The following PDE7A variants were observed in gnomAD, a reference collection of about 807,000 sequenced individuals.
PDE7A encodes phosphodiesterase 7A, also known as high affinity 3',5'-cyclic-AMP phosphodiesterase 7A.
PDE7A carries 39 observed loss-of-function variants against 64.3 expected under a neutral mutation model. That is an observed-to-expected ratio of 0.61 (90% CI 0.47 to 0.79). PDE7A has a LOEUF of 0.79. Among genes scored for constraint, PDE7A ranks in the 30% least tolerant of loss-of-function variants. PDE7A has a pLI of 0.00. For synonymous variants in PDE7A, 203 were observed against 206.8 expected, an observed-to-expected ratio of 0.98 and a Z score of 0.16; for missense variants, 470 against 582.8, an observed-to-expected ratio of 0.81 and a Z score of 1.99.
At chr8:65,841,300 G>A (rs1471451519) in intron 1 of PDE7A, 71 bp downstream of exon 1, 9 of 1,403,734 alleles carry the variant, frequency 6.4e-6, no homozygotes, top group East Asian at 2.8e-5. Context: ...TTGTAGAGGA[G>A]GTGAAGCTGG....
intron 3 of PDE7A, among the ~76,000 whole-genome samples, chr8:65,772,373 T>C (rs80198773): frequency 0.069 from 10,531 of 152,242 alleles, 617 homozygotes; most frequent in African/African-American, 0.16. Flanking sequence ...ATTATAGTCT[T>C]TCAAAGCTTC....
chr8:65,727,387 T>C, intron 7 of PDE7A, 86 bp from the exon 8 acceptor site: 1 of 1,545,092 alleles, frequency 6.5e-7, no homozygotes, highest in Admixed American at 1.9e-5. Context: ...TAGCAGCCAA[T>C]GGTAGTGGTG....
At chr8:65,778,958 C>T (rs1013751334) in intron 3 of PDE7A, among the ~76,000 whole-genome samples, 2 of 152,218 alleles carry the variant, frequency 1.3e-5, no homozygotes, top group Non-Finnish European at 2.9e-5. Flanking sequence ...TTTCTCTATC[C>T]CTAAGTGTCC....
At chr8:65,784,368 C>A (rs1809493652) in intron 1 of PDE7A, among the ~76,000 whole-genome samples, 1 of 152,090 alleles carries the variant, frequency 6.6e-6, no homozygotes, top group South Asian at 2.1e-4. Context: ...GGAGGAAATA[C>A]TGATTTTTAA....
At chr8:65,783,165 G>A (rs188337261) in intron 1 of PDE7A, among the ~76,000 whole-genome samples, 457 of 152,262 alleles carry the variant, frequency 3.0e-3, no homozygotes, top group Non-Finnish European at 4.4e-3. Flanking sequence ...AAAAGGGATC[G>A]ATAGGAGTTG....
At chr8:65,769,161 T>C (rs1585899645) in intron 3 of PDE7A, among the ~76,000 whole-genome samples, 1 of 150,376 alleles carries the variant, frequency 6.6e-6, no homozygotes, top group South Asian at 2.1e-4. Flanking sequence ...GGCATGAGAA[T>C]TGCTTGAACC....
chr8:65,780,511 C>A (rs1809384547), intron 2 of PDE7A, among the ~76,000 whole-genome samples: 1 of 152,152 alleles, frequency 6.6e-6, no homozygotes, highest in African/African-American at 2.4e-5. Context: ...TTTTTCTATA[C>A]AGCAACATAA....
chr8:65,724,997 A>G, intron 9 of PDE7A, 76 bp from the exon 10 acceptor site: 1 of 944,270 alleles, frequency 1.1e-6, no homozygotes, highest in Admixed American at 2.6e-5. Context: ...CTTAACCATA[A>G]TAATCGGAAG....
At chr8:65,735,036 C>A in intron 6 of PDE7A, 142 bp from the exon 7 acceptor site, 1 of 620,904 alleles carries the variant, frequency 1.6e-6, no homozygotes, top group Non-Finnish European at 2.9e-6. Context: ...AGATGATAAT[C>A]ACCTCACAAC....
chr8:65,752,634 C>A (rs764062563), intron 3 of PDE7A, among the ~76,000 whole-genome samples: 1 of 152,128 alleles, frequency 6.6e-6, no homozygotes, highest in Non-Finnish European at 1.5e-5. Flanking sequence ...TCATTGTTAA[C>A]CATTCTGGGT....
intron 1 of PDE7A, among the ~76,000 whole-genome samples, chr8:65,802,263 C>A (rs1174610275): frequency 3.3e-5 from 5 of 152,182 alleles, no homozygotes; most frequent in Non-Finnish European, 2.9e-5. Context: ...ATGGTGATCA[C>A]TGCACAACAC....
intron 1 of PDE7A, among the ~76,000 whole-genome samples, chr8:65,833,032 T>G: frequency 6.6e-6 from 1 of 152,328 alleles, no homozygotes; most frequent in South Asian, 2.1e-4. Context: ...AACTTATATC[T>G]TCTCCAAATT....
intron 6 of PDE7A, among the ~76,000 whole-genome samples, chr8:65,736,164 C>G (rs1807120193): frequency 6.6e-6 from 1 of 152,134 alleles, no homozygotes; most frequent in East Asian, 1.9e-4. Flanking sequence ...CATCACAACT[C>G]TTGTGCTTTG....
At position 65,841,351 on chromosome 8, in the gene PDE7A, G is replaced by C; in HGVS notation, c.138+20C>G. ...CAAAAGAGAGAAGCCCTCAAGTGTG[G>C]GCCCGGCGGCGGCGATTACCTGAGA... On this transcript the variant is annotated intron_variant, in intron 1 of 12. Coordinates refer to ENST00000401827, the MANE Select transcript of PDE7A (RefSeq NM_001242318.3). The C allele has an allele frequency of 6.6e-7, 1 of 1,523,214 alleles. No homozygotes were observed. Among genetic ancestry groups the C allele is most frequent in the South Asian group, 1.2e-5 (1 of 81,130 alleles). 94.4% of individuals were successfully genotyped at this position (1,523,214 alleles called of 1,614,324 possible).
chr8:65,804,249 A>G (rs1810060873), intron 1 of PDE7A, among the ~76,000 whole-genome samples: 1 of 152,192 alleles, frequency 6.6e-6, no homozygotes, highest in African/African-American at 2.4e-5. Context: ...TTCATTTTTT[A>G]ACCCTATACC....
At chr8:65,776,712 C>T (rs1352399478) in intron 3 of PDE7A, among the ~76,000 whole-genome samples, 1 of 152,156 alleles carries the variant, frequency 6.6e-6, no homozygotes, top group African/African-American at 2.4e-5. Context: ...CTTTACAGAA[C>T]TCCCACTACG....
At chr8:65,736,577 C>A (rs968158524) in intron 6 of PDE7A, among the ~76,000 whole-genome samples, 3 of 151,876 alleles carry the variant, frequency 2.0e-5, no homozygotes, top group Non-Finnish European at 2.9e-5. Flanking sequence ...ATTAGCAAGA[C>A]CTTGTCCCTA....
Position 65,719,026 on chromosome 8 carries a change from A to C in PDE7A, c.*264T>G, listed in dbSNP as rs148713927. The C allele has an allele frequency of 1.6e-3, 781 of 501,314 alleles. 5 individuals are homozygous for C. Among genetic ancestry groups the C allele is most frequent in the African/African-American group, 0.011 (566 of 52,302 alleles). 31.1% of individuals were successfully genotyped at this position (501,314 alleles called of 1,614,324 possible). On this transcript the variant is annotated 3_prime_UTR_variant, in exon 13 of 13. Coordinates refer to ENST00000401827, the MANE Select transcript of PDE7A (RefSeq NM_001242318.3). ...GGCACATATCAAAACTTCCTTTGTT[A>C]CTCCTTTCGGATTCTCTCCTGCTGG...
chr8:65,717,458 C>A lies in PDE7A; in HGVS notation c.*1832G>T, dbSNP rs1806188301. On this transcript the variant is annotated 3_prime_UTR_variant, in exon 13 of 13. Coordinates refer to ENST00000401827, the MANE Select transcript of PDE7A (RefSeq NM_001242318.3). ...AGTTCACCACTGTAGGAACAAAAGG[C>A]CTGGCTCAAAGCTGACCTCTCCCCT... is the stretch of plus-strand genomic sequence containing the variant. 1 of 152,216 alleles carries A rather than the reference C, an allele frequency of 6.6e-6. No individual in the cohort carries two copies. The highest frequency in any genetic ancestry group is 2.1e-4 in the South Asian group (1 of 4,826). 9.4% of individuals were successfully genotyped at this position (152,216 alleles called of 1,614,324 possible). A position where few individuals can be genotyped will look rare whatever the true frequency, so the allele number is the denominator to read the frequency against.
Sources: allele counts gnomAD v4.1 joint callset (sites outside exome capture counted in the v4.1 genomes callset), GRCh38; gene constraint gnomAD v4.1.1; transcripts MANE v1.5; gene names NCBI Gene and HGNC (gene_info 2026-07-23, HGNC 2026-07-21).